The following TNFSF13B variants were observed in gnomAD, a reference collection of about 807,000 sequenced individuals.
The protein encoded by TNFSF13B is tumor necrosis factor ligand superfamily member 13B.
TNFSF13B carries 8 observed loss-of-function variants against 29.1 expected under a neutral mutation model. That is an observed-to-expected ratio of 0.27 (90% CI 0.16 to 0.50). The LOEUF (loss-of-function observed/expected upper bound fraction) is 0.50. Among genes scored for constraint, TNFSF13B ranks in the 20% least tolerant of loss-of-function variants. TNFSF13B has a pLI of 0.98. For synonymous variants in TNFSF13B, 125 were observed against 130.8 expected (o/e 0.96, Z 0.30); for missense variants, 248 against 334.9 (o/e 0.74, Z 2.03).
intron 3 of TNFSF13B, among the ~76,000 whole-genome samples, chr13:108,289,734 A>G (rs1881253424): frequency 6.6e-6 from 1 of 151,602 alleles, no homozygotes; most frequent in Non-Finnish European, 1.5e-5. Context: ...TTCCAGAGAC[A>G]TGGAGATTCA....
At chr13:108,283,787 T>C (rs1881032295) in intron 2 of TNFSF13B, among the ~76,000 whole-genome samples, 1 of 152,204 alleles carries the variant, frequency 6.6e-6, no homozygotes, top group Non-Finnish European at 1.5e-5. Flanking sequence ...GGCTTGTAGA[T>C]GATGCCTCCT....
intron 5 of TNFSF13B, among the ~76,000 whole-genome samples, chr13:108,304,942 G>T (rs1381401182): frequency 6.6e-6 from 1 of 151,998 alleles, no homozygotes; most frequent in Non-Finnish European, 1.5e-5. Context: ...ATTTATAAAT[G>T]GTGAGACTAC....
Position 108,303,262 on chromosome 13 carries a change from C to T in TNFSF13B, c.491C>T (p.Thr164Ile). ...ATTCTCTTCATTGCAGGATCTTACA[C>T]ATTTGTTCCATGGCTTCTCAGCTTT... ...ETPTIQKGSYTFVPWLLSFKR... is the reference protein window; with the variant it reads ...ETPTIQKGSYIFVPWLLSFKR... Residue 164 changes from threonine (T) to isoleucine (I), a missense_variant, in exon 4 of 6, where the codon ACA becomes ATA. Physicochemically the swap from Thr to Ile is moderately conservative, Grantham distance 89 (BLOSUM62 -1). Around this residue, in one of 2 missense-constraint regions of TNFSF13B, gnomAD observed 186 missense variants for 196.3 expected, o/e 0.95. Transcript: ENST00000375887. 2.5e-6 allele frequency: 4 copies of T among 1,610,680 alleles called. No homozygotes were observed. The highest frequency in any genetic ancestry group is 3.4e-6 in the Non-Finnish European group (4 of 1,177,914).
chr13:108,299,895 T>C (rs1354528741), intron 3 of TNFSF13B, among the ~76,000 whole-genome samples: 1 of 152,168 alleles, frequency 6.6e-6, no homozygotes, highest in East Asian at 1.9e-4. Flanking sequence ...AATAAAATGT[T>C]AAGAGACAGT....
chr13:108,295,333 C>A (rs2139062998), intron 3 of TNFSF13B, among the ~76,000 whole-genome samples: 1 of 144,550 alleles, frequency 6.9e-6, no homozygotes, highest in South Asian at 2.2e-4. Context: ...TGCCACCAAG[C>A]CTAGCTATTT....
intron 3 of TNFSF13B, among the ~76,000 whole-genome samples, chr13:108,300,635 CGAT>C (rs1881595672): frequency 6.6e-6 from 1 of 152,104 alleles, no homozygotes; most frequent in Non-Finnish European, 1.5e-5. Context: ...GTAAAAGAGG[CGAT>C]GATGATTTTG....
chr13:108,292,926 A>G (rs1056258592), intron 3 of TNFSF13B, among the ~76,000 whole-genome samples: 1 of 152,154 alleles, frequency 6.6e-6, no homozygotes, highest in South Asian at 2.1e-4. Context: ...GTTGTACATC[A>G]GATAAATGAA....
At chr13:108,280,750 A>T (rs1413822353) in intron 2 of TNFSF13B, among the ~76,000 whole-genome samples, 2 of 152,044 alleles carry the variant, frequency 1.3e-5, no homozygotes, top group Non-Finnish European at 2.9e-5. Flanking sequence ...CCTATGAGGC[A>T]ATACAAAAGG....
At chr13:108,302,204 A>G (rs911765759) in intron 3 of TNFSF13B, among the ~76,000 whole-genome samples, 2 of 152,170 alleles carry the variant, frequency 1.3e-5, no homozygotes, top group South Asian at 4.1e-4. Context: ...CATTTTTGCT[A>G]TGATCAGGAT....
At chr13:108,304,415 G>A (rs1348288970) in intron 5 of TNFSF13B, among the ~76,000 whole-genome samples, 1 of 152,208 alleles carries the variant, frequency 6.6e-6, no homozygotes, top group Non-Finnish European at 1.5e-5. Flanking sequence ...GAATGCGAAA[G>A]TGTAGGCGCA....
At chr13:108,290,458 C>T (rs556941850) in intron 3 of TNFSF13B, among the ~76,000 whole-genome samples, 4 of 152,236 alleles carry the variant, frequency 2.6e-5, no homozygotes, top group African/African-American at 9.6e-5. Context: ...CTATCACTTG[C>T]AGCAAAAGAG....
intron 3 of TNFSF13B, among the ~76,000 whole-genome samples, 198 bp from the exon 4 acceptor site, chr13:108,303,055 G>A (rs369516854): frequency 1.3e-5 from 2 of 152,088 alleles, no homozygotes; most frequent in African/African-American, 4.8e-5. Context: ...TATTAACCCA[G>A]GTTAACATAT....
At chr13:108,275,657 G>A (rs1322312853) in intron 2 of TNFSF13B, among the ~76,000 whole-genome samples, 1 of 152,076 alleles carries the variant, frequency 6.6e-6, no homozygotes, top group East Asian at 1.9e-4. Context: ...ATTTTTAAGT[G>A]AGCTTGGGAT....
chr13:108,274,416 T>C (rs1594515626), intron 2 of TNFSF13B, among the ~76,000 whole-genome samples: 1 of 149,902 alleles, frequency 6.7e-6, no homozygotes, highest in Admixed American at 6.7e-5. Flanking sequence ...ATATGTGTTA[T>C]GTGTATATAT....
At chr13:108,298,746 G>T (rs1881522540) in intron 3 of TNFSF13B, among the ~76,000 whole-genome samples, 1 of 145,490 alleles carries the variant, frequency 6.9e-6, no homozygotes, top group Admixed American at 6.8e-5. Context: ...GGAGGCCAAG[G>T]CAGGATCACA....
chr13:108,299,905 T>G (rs1215107557), intron 3 of TNFSF13B, among the ~76,000 whole-genome samples: 1 of 152,184 alleles, frequency 6.6e-6, no homozygotes, highest in African/African-American at 2.4e-5. Context: ...TAAGAGACAG[T>G]AAGAATAGAG....
At position 108,302,731 on chromosome 13, in the gene TNFSF13B, C is replaced by T. The variant is rs558936850; in HGVS notation, c.482-522C>T. On this transcript the variant is annotated intron_variant, in intron 3 of 5. Coordinates refer to ENST00000375887, the MANE Select transcript of TNFSF13B (RefSeq NM_006573.5). ...GTTGTTACAAAGTTCCTTGACCGTTCTTAGTAAAGGTTGTGTCTTAGTCAC... is the reference window on the plus strand; with the variant it reads ...GTTGTTACAAAGTTCCTTGACCGTTTTTAGTAAAGGTTGTGTCTTAGTCAC... The T allele has an allele frequency of 1.2e-4, 87 of 746,140 alleles. No individual in the cohort carries two copies. In the Middle Eastern group the frequency reaches 2.1e-3, roughly 18 times the overall value. 46.2% of individuals were successfully genotyped at this position (746,140 alleles called of 1,614,324 possible). A position where few individuals can be genotyped will look rare whatever the true frequency, so the allele number is the denominator to read the frequency against.
intron 3 of TNFSF13B, among the ~76,000 whole-genome samples, chr13:108,300,376 GA>G (rs1017770791): frequency 7.2e-5 from 11 of 152,046 alleles, no homozygotes; most frequent in Non-Finnish European, 1.5e-4. Flanking sequence ...CTTTAGCTCA[GA>G]AAATTTAGTA....
intron 2 of TNFSF13B, among the ~76,000 whole-genome samples, chr13:108,278,046 G>A (rs1462139272): frequency 6.6e-6 from 1 of 152,126 alleles, no homozygotes; most frequent in Admixed American, 6.5e-5. Flanking sequence ...GATTTAAAAT[G>A]CTTCAAAATT....
Sources: gnomAD v4.1 joint callset for allele counts (sites outside exome capture counted in the v4.1 genomes callset) on GRCh38, gnomAD v4.1.1 for gene constraint, gnomAD v4.1.1 regional missense constraint, MANE v1.5 for transcripts, NCBI Gene and HGNC (gene_info 2026-07-23, HGNC 2026-07-21) for gene names.